DLGAP2: variants seen among roughly 807,000 people sequenced by gnomAD.
The protein encoded by DLGAP2 is DLG associated protein 2.
Under a neutral mutation model 100.3 loss-of-function variants are expected in DLGAP2, and 26 were observed. That is an observed-to-expected ratio of 0.26 (90% CI 0.19 to 0.36). The LOEUF (loss-of-function observed/expected upper bound fraction) is 0.36, where lower values mean the gene tolerates loss of function less well. DLGAP2 is among the 10% of genes least tolerant of loss of function. DLGAP2 has a pLI of 1.00. For synonymous variants in DLGAP2, 886 were observed against 630.1 expected, an observed-to-expected ratio of 1.41 and a Z score of -6.08; for missense variants, 1,858 against 1,453.2, an observed-to-expected ratio of 1.28 and a Z score of -4.53.
At chr8:923,586 T>C (rs2129001901) in intron 2 of DLGAP2, among the ~76,000 whole-genome samples, 1 of 152,334 alleles carries the variant, frequency 6.6e-6, no homozygotes. Flanking sequence ...CGTTTAAGTG[T>C]ATCTTTTTAA....
chr8:857,135 A>G (rs1217313742), intron 1 of DLGAP2, among the ~76,000 whole-genome samples: 1 of 152,248 alleles, frequency 6.6e-6, no homozygotes, highest in Admixed American at 6.5e-5. Context: ...TGCTCTTATC[A>G]ACAGATGGTG....
chr8:743,684 C>T (rs1820543354), intron 1 of DLGAP2, among the ~76,000 whole-genome samples: 2 of 152,186 alleles, frequency 1.3e-5, no homozygotes, highest in Admixed American at 1.3e-4. Flanking sequence ...CCACCTCAGC[C>T]TCCCGAGTAG....
At chr8:842,651 C>G (rs1001887360) in intron 1 of DLGAP2, among the ~76,000 whole-genome samples, 3 of 152,024 alleles carry the variant, frequency 2.0e-5, no homozygotes, top group Admixed American at 6.6e-5. Context: ...TTCTGCTGCT[C>G]TGATTTTCAC....
chr8:970,455 T>C (rs574596066), intron 2 of DLGAP2, among the ~76,000 whole-genome samples: 3 of 152,296 alleles, frequency 2.0e-5, no homozygotes, highest in Non-Finnish European at 2.9e-5. Flanking sequence ...TAAGGACAAA[T>C]GGCAGAATTC....
intron 3 of DLGAP2, among the ~76,000 whole-genome samples, chr8:1,298,119 G>C (rs966038958): frequency 2.7e-5 from 4 of 146,580 alleles, no homozygotes; most frequent in South Asian, 2.2e-4. Context: ...AACGTGGCAG[G>C]CGTCAACAGA....
rs987034719 is a variant in DLGAP2 at position 1,357,624 on chromosome 8, A to C, written c.106+98741A>C. Among the ~76,000 whole-genome samples, 23 of 152,104 alleles carry C rather than the reference A, an allele frequency of 1.5e-4. 1 individual carries two copies. The highest frequency in any genetic ancestry group is 1.5e-5 in the Non-Finnish European group (1 of 68,006). On this transcript the variant is annotated intron_variant, in intron 3 of 14. Coordinates refer to ENST00000637795, the MANE Select transcript of DLGAP2 (RefSeq NM_001346810.2). Reference sequence around the variant, plus strand: ...GAAAGCACGCTTTATAAACTCTTACACATTTTCAAAATAAAGATTTTTTAA... The same window carrying C: ...GAAAGCACGCTTTATAAACTCTTACCCATTTTCAAAATAAAGATTTTTTAA...
chr8:1,671,650 A>T (rs1370692259), intron 10 of DLGAP2, among the ~76,000 whole-genome samples: 1 of 152,196 alleles, frequency 6.6e-6, no homozygotes, highest in East Asian at 1.9e-4. Flanking sequence ...GTCTAACGTG[A>T]TCCCTAATGA....
intron 1 of DLGAP2, among the ~76,000 whole-genome samples, chr8:795,684 C>CGTCCAGTGAGAGCAGCT (rs1796013233): frequency 4.0e-5 from 1 of 24,722 alleles, no homozygotes; most frequent in African/African-American, 2.1e-4. Context: ...TGAGAACAGG[C>CGTCCAGTGAGAGCAGCT]GTCCAGTGAG....
At chr8:1,130,093 CACTTCACGCGAGTTAAGGGATCGTGTCAG>C (rs1450572029) in intron 2 of DLGAP2, among the ~76,000 whole-genome samples, 6 of 1,936 alleles carry the variant, frequency 3.1e-3, no homozygotes, top group African/African-American at 0.014. Context: ...TCGTGTCAGA[CACTTCACGCGAGTTAAGGGATCGTGTCAG>C]ACACTTCACG....
At chr8:1,272,874 G>C (rs1490702840) in intron 3 of DLGAP2, among the ~76,000 whole-genome samples, 4 of 152,132 alleles carry the variant, frequency 2.6e-5, no homozygotes, top group Admixed American at 6.5e-5. Context: ...GGGGCAGAAG[G>C]GTGTGTAGTT....
At chr8:1,382,606 G>A (rs184278193) in intron 3 of DLGAP2, among the ~76,000 whole-genome samples, 5 of 152,250 alleles carry the variant, frequency 3.3e-5, no homozygotes, top group African/African-American at 7.2e-5. Context: ...TAGCAGTGCA[G>A]TGGTGTGTGC....
chr8:1,604,163 C>T (rs1248162913), intron 6 of DLGAP2, among the ~76,000 whole-genome samples: 1 of 152,190 alleles, frequency 6.6e-6, no homozygotes. Context: ...CCGTTATCGA[C>T]ATGGATTCAG....
intron 8 of DLGAP2, 28 bp from the exon 9 acceptor site, chr8:1,668,301 G>C (rs558527890): frequency 2.1e-6 from 3 of 1,456,848 alleles, no homozygotes; most frequent in Non-Finnish European, 2.7e-6. Context: ...GAACACGCCT[G>C]TTGACTTGGG....
intron 6 of DLGAP2, among the ~76,000 whole-genome samples, chr8:1,572,773 G>T (rs1196559298): frequency 2.2e-5 from 2 of 90,040 alleles, no homozygotes; most frequent in Admixed American, 1.1e-4. Context: ...GGAGAGAGGG[G>T]TGAACTGTGG....
At chr8:1,696,917 C>G (rs998708131) in intron 13 of DLGAP2, among the ~76,000 whole-genome samples, 2 of 152,222 alleles carry the variant, frequency 1.3e-5, no homozygotes, top group Admixed American at 6.5e-5. Flanking sequence ...GCATTTTCAA[C>G]GTGGAACAAT....
At chr8:957,658 G>A (rs374949506) in intron 2 of DLGAP2, among the ~76,000 whole-genome samples, 11 of 152,272 alleles carry the variant, frequency 7.2e-5, no homozygotes, top group African/African-American at 2.6e-4. Flanking sequence ...CATAATGACC[G>A]TCATTAATGA....
intron 5 of DLGAP2, among the ~76,000 whole-genome samples, chr8:1,562,524 C>T (rs1359738196): frequency 4.1e-5 from 2 of 48,460 alleles, no homozygotes; most frequent in East Asian, 1.3e-3. Context: ...GGTGTCCGCG[C>T]CTCGTTACTG....
intron 1 of DLGAP2, among the ~76,000 whole-genome samples, chr8:877,660 C>A (rs888345910): frequency 6.6e-6 from 1 of 152,218 alleles, no homozygotes; most frequent in Admixed American, 6.5e-5. Context: ...TTCCCTAGTT[C>A]TTCCCTGCAA....
At chr8:1,523,125 G>T (rs1476904267) in intron 4 of DLGAP2, among the ~76,000 whole-genome samples, 1 of 152,186 alleles carries the variant, frequency 6.6e-6, no homozygotes, top group Non-Finnish European at 1.5e-5. Flanking sequence ...GAGCTTTCAC[G>T]CCACGCGTAT....
Sources: gnomAD v4.1 joint callset for allele counts (sites outside exome capture counted in the v4.1 genomes callset) on GRCh38, gnomAD v4.1.1 for gene constraint, MANE v1.5 for transcripts, NCBI Gene and HGNC (gene_info 2026-07-23, HGNC 2026-07-21) for gene names.